The following FGF12 variants were observed in gnomAD, a reference collection of about 807,000 sequenced individuals.
FGF12 encodes fibroblast growth factor 12, also known as fibroblast growth factor 12B.
In FGF12, 14 loss-of-function variants were observed where a neutral mutation model predicts 23.6. The observed-to-expected ratio is 0.59, with a 90% CI of 0.39 to 0.93. The LOEUF (loss-of-function observed/expected upper bound fraction) is 0.93. Among genes scored for constraint, FGF12 ranks in the 40% least tolerant of loss-of-function variants. FGF12 has a pLI of 0.00. For synonymous variants in FGF12, 62 were observed against 77.3 expected (o/e 0.80, Z 1.04); for missense variants, 175 against 217.8 (o/e 0.80, Z 1.24).
intron 2 of FGF12, among the ~76,000 whole-genome samples, chr3:192,363,141 T>C (rs1399058749): frequency 1.3e-5 from 2 of 151,410 alleles, no homozygotes; most frequent in East Asian, 1.9e-4. Flanking sequence ...CTAATGTAAA[T>C]GACGAGTTAA....
chr3:192,367,740 C>T (rs939723431), intron 2 of FGF12, among the ~76,000 whole-genome samples: 8 of 152,292 alleles, frequency 5.3e-5, no homozygotes, highest in Non-Finnish European at 1.2e-4. Flanking sequence ...TGGAGGAACA[C>T]CTTCCAGAAC....
rs574454296 is a variant in FGF12, at chr3:192,175,777, C to T, written c.229-5121G>A. Reference sequence around the variant, plus strand: ...AAGCCCAACATGATCACTCAGGACCCCTTCTAGTCTCTCCCCATCCCATGG... The same window carrying T: ...AAGCCCAACATGATCACTCAGGACCTCTTCTAGTCTCTCCCCATCCCATGG... On this transcript the variant is annotated intron_variant, in intron 4 of 5. Coordinates refer to ENST00000445105, the MANE Select transcript of FGF12 (RefSeq NM_004113.6). Among the ~76,000 whole-genome samples the T allele has an allele frequency of 4.6e-5, 7 of 152,254 alleles. No homozygotes were observed. In the South Asian group the frequency reaches 1.2e-3, roughly 27 times the overall value.
intron 2 of FGF12, among the ~76,000 whole-genome samples, chr3:192,368,039 T>C (rs1719061662): frequency 1.3e-5 from 2 of 152,192 alleles, no homozygotes; most frequent in African/African-American, 4.8e-5. Context: ...TTGTGACAGT[T>C]ATTCTTCTGG....
At chr3:192,474,540 T>C (rs567918805) in intron 2 of FGF12, among the ~76,000 whole-genome samples, 1 of 152,212 alleles carries the variant, frequency 6.6e-6, no homozygotes, top group South Asian at 2.1e-4. Flanking sequence ...ACTGCTACCT[T>C]TTTTGTTGGG....
At chr3:192,310,126 G>A (rs1715857798) in intron 4 of FGF12, among the ~76,000 whole-genome samples, 1 of 152,132 alleles carries the variant, frequency 6.6e-6, no homozygotes, top group African/African-American at 2.4e-5. Flanking sequence ...AAAAGTGCTG[G>A]TAAAGTATTT....
At chr3:192,494,313 T>G (rs1723885313) in intron 2 of FGF12, among the ~76,000 whole-genome samples, 1 of 152,220 alleles carries the variant, frequency 6.6e-6, no homozygotes, top group Admixed American at 6.5e-5. Flanking sequence ...ATCTAGCATC[T>G]GTTTGTACAA....
intron 2 of FGF12, among the ~76,000 whole-genome samples, chr3:192,628,959 C>T (rs1715285774): frequency 6.6e-6 from 1 of 152,038 alleles, no homozygotes; most frequent in African/African-American, 2.4e-5. Context: ...GAGGCTGAGA[C>T]TGTTTTTGCC....
At position 192,293,060 on chromosome 3, in the gene FGF12, A is replaced by G. The variant is rs574033792; in HGVS notation, c.228+42301T>C. 5.1e-3 allele frequency among the ~76,000 whole-genome samples: 783 copies of G among 152,282 alleles called. 3 individuals are homozygous for G. The highest frequency in any genetic ancestry group is 8.6e-3 in the Non-Finnish European group (586 of 68,014). On this transcript the variant is annotated intron_variant, in intron 4 of 5. Transcript: ENST00000445105. The stretch of plus-strand genomic sequence containing the variant: ...CTACCAACGTGCTGGGATTATAGGC[A>G]TAAGCCAACAACTGACTTCTTGAGA...
At chr3:192,417,194 G>A (rs1238399764) in intron 2 of FGF12, among the ~76,000 whole-genome samples, 3 of 152,022 alleles carry the variant, frequency 2.0e-5, no homozygotes, top group African/African-American at 7.2e-5. Context: ...GATCCTCATT[G>A]CATTTTGACA....
intron 2 of FGF12, among the ~76,000 whole-genome samples, chr3:192,410,649 T>C (rs1467191983): frequency 6.6e-6 from 1 of 152,190 alleles, no homozygotes. Flanking sequence ...AGTGTTTCCC[T>C]TCTTCTTGGA....
intron 4 of FGF12, among the ~76,000 whole-genome samples, chr3:192,321,904 G>T (rs940463661): frequency 6.6e-6 from 1 of 152,046 alleles, no homozygotes; most frequent in Non-Finnish European, 1.5e-5. Flanking sequence ...TAAGATTAGG[G>T]AACAAGACAA....
At position 192,197,919 on chromosome 3, in the gene FGF12, C is replaced by T. The variant is rs560193939; in HGVS notation, c.229-27263G>A. The stretch of plus-strand genomic sequence containing the variant: ...TGAGATCATGCCATTGCACTCCAGC[C>T]TGGGGAACAAAAGCGAAATTCCTCC... On this transcript the variant is annotated intron_variant, in intron 4 of 5. Coordinates refer to ENST00000445105, the MANE Select transcript of FGF12 (RefSeq NM_004113.6). Among the ~76,000 whole-genome samples, 3 of 111,922 alleles carry T rather than the reference C, an allele frequency of 2.7e-5. No homozygotes were observed. The East Asian group carries it at 8.7e-4, about 32-fold the overall frequency. 73.4% of individuals were successfully genotyped at this position (111,922 alleles called of 152,430 possible).
At chr3:192,179,290 A>G (rs1038946514) in intron 4 of FGF12, among the ~76,000 whole-genome samples, 2 of 152,208 alleles carry the variant, frequency 1.3e-5, no homozygotes, top group Admixed American at 6.5e-5. Context: ...CTGGAAAACT[A>G]CTGAGCTGAT....
chr3:192,571,456 C>T (rs1363189288), intron 2 of FGF12, among the ~76,000 whole-genome samples: 2 of 152,228 alleles, frequency 1.3e-5, no homozygotes, highest in Non-Finnish European at 2.9e-5. Context: ...GCCAGAGCGA[C>T]GGAGCGCGCG....
At chr3:192,205,245 C>G (rs866098011) in intron 4 of FGF12, among the ~76,000 whole-genome samples, 1 of 152,154 alleles carries the variant, frequency 6.6e-6, no homozygotes. Context: ...AAATATTCAA[C>G]CTTATCCACC....
Position 192,436,529 on chromosome 3 carries a change from C to T in FGF12, c.14-75991G>A, listed in dbSNP as rs368551325. On this transcript the variant is annotated intron_variant, in intron 2 of 5. Transcript: ENST00000445105. ...ACAATTGGAAAACCTCCGTTGTAAA[C>T]GAGCAATCATGAATAAGCTAATTTG... Among the ~76,000 whole-genome samples, 136 of 152,314 alleles carry T rather than the reference C, an allele frequency of 8.9e-4. 3 individuals are homozygous for T. Among genetic ancestry groups the T allele is most frequent in the Non-Finnish European group, 1.5e-3 (99 of 68,034 alleles).
At chr3:192,425,625 G>A (rs942283655) in intron 2 of FGF12, among the ~76,000 whole-genome samples, 7 of 152,050 alleles carry the variant, frequency 4.6e-5, no homozygotes, top group African/African-American at 1.7e-4. Context: ...CAGCTTATTG[G>A]GTCAAGAAAA....
intron 2 of FGF12, among the ~76,000 whole-genome samples, chr3:192,456,682 T>G (rs1236669983): frequency 6.6e-6 from 1 of 152,180 alleles, no homozygotes; most frequent in Non-Finnish European, 1.5e-5. Flanking sequence ...ATTTTATGTA[T>G]GAACTCTTTG....
chr3:192,233,518 C>A (rs79605856), intron 4 of FGF12, among the ~76,000 whole-genome samples: 2,860 of 152,166 alleles, frequency 0.019, 76 homozygotes, highest in African/African-American at 0.064. Context: ...CTGTTGATGG[C>A]TTCTTTTGCT....
Sources: allele counts gnomAD v4.1 joint callset (sites outside exome capture counted in the v4.1 genomes callset), GRCh38; gene constraint gnomAD v4.1.1; transcripts MANE v1.5; gene names NCBI Gene and HGNC (gene_info 2026-07-23, HGNC 2026-07-21).